Variants in CTTNBP2NL observed in about 807,000 individuals in gnomAD.
CTTNBP2NL encodes the protein CTTNBP2 N-terminal like.
In CTTNBP2NL, 16 loss-of-function variants were observed where a neutral mutation model predicts 32.5. The observed-to-expected ratio is 0.49, with a 90% CI of 0.33 to 0.75. The LOEUF (loss-of-function observed/expected upper bound fraction) is 0.75, where lower values mean the gene tolerates loss of function less well. Among genes scored for constraint, CTTNBP2NL ranks in the 30% least tolerant of loss-of-function variants. The probability of loss-of-function intolerance (pLI) is 0.02; values close to 1 mark genes in which losing one functional copy is unlikely to be tolerated. For missense variants in CTTNBP2NL, 645 were observed against 756.0 expected (o/e 0.85, Z 1.72); for synonymous variants, 298 against 289.4 (o/e 1.03, Z -0.30).
rs543391498 is a variant in CTTNBP2NL, at chr1:112,425,762, C to T, written c.99+9498C>T. Among the ~76,000 whole-genome samples the T allele has an allele frequency of 2.6e-5, 4 of 151,608 alleles. No individual in the cohort carries two copies. In the East Asian group the frequency reaches 7.8e-4, roughly 29 times the overall value. ...TCTGTAACCCCGGCTACTAGGGAGG[C>T]TGAGGTAGGAGACTTGATCGAATTA... On this transcript the variant is annotated intron_variant, in intron 3 of 5. Coordinates refer to ENST00000271277, the MANE Select transcript of CTTNBP2NL (RefSeq NM_018704.3).
upstream of CTTNBP2NL, among the ~76,000 whole-genome samples, chr1:112,393,286 T>G (rs78679524): frequency 3.7e-3 from 564 of 152,316 alleles, 4 homozygotes; most frequent in African/African-American, 0.013. Flanking sequence ...TTTTTTAACC[T>G]CTAGCCTAGA....
intron 3 of CTTNBP2NL, among the ~76,000 whole-genome samples, chr1:112,430,901 A>G (rs996415715): frequency 3.3e-5 from 5 of 152,152 alleles, no homozygotes; most frequent in African/African-American, 1.2e-4. Flanking sequence ...CTTAAAAATT[A>G]TTGTCTGGCA....
intron 4 of CTTNBP2NL, among the ~76,000 whole-genome samples, chr1:112,450,532 A>T (rs771117810): frequency 9.2e-5 from 14 of 152,088 alleles, no homozygotes; most frequent in Non-Finnish European, 2.1e-4. Context: ...TCTTCACAAC[A>T]TTCTTGTTTA....
At chr1:112,413,648 TGTTTA>T (rs1648952389) in intron 2 of CTTNBP2NL, among the ~76,000 whole-genome samples, 1 of 152,184 alleles carries the variant, frequency 6.6e-6, no homozygotes, top group Non-Finnish European at 1.5e-5. Flanking sequence ...AGAATTTTTT[TGTTTA>T]GTTTTGTTTT....
intron 3 of CTTNBP2NL, among the ~76,000 whole-genome samples, chr1:112,423,555 AT>A (rs563768957): frequency 6.2e-4 from 95 of 152,328 alleles, no homozygotes; most frequent in African/African-American, 2.2e-3. Context: ...GGAAAAAAAA[AT>A]GCATCTTTTG....
At chr1:112,440,086 C>T (rs1418739884) in intron 3 of CTTNBP2NL, among the ~76,000 whole-genome samples, 1 of 152,206 alleles carries the variant, frequency 6.6e-6, no homozygotes, top group Non-Finnish European at 1.5e-5. Context: ...TCATTACTCA[C>T]GTTGCTTATA....
chr1:112,435,233 C>T (rs1468151378), intron 3 of CTTNBP2NL, among the ~76,000 whole-genome samples: 1 of 150,438 alleles, frequency 6.6e-6, no homozygotes, highest in Admixed American at 6.6e-5. Context: ...CTGTTGTCTA[C>T]GCTAGATTAG....
chr1:112,393,775 G>A (rs1354101336), upstream of CTTNBP2NL, among the ~76,000 whole-genome samples: 1 of 152,172 alleles, frequency 6.6e-6, no homozygotes, highest in African/African-American at 2.4e-5. Context: ...TTAGGAATAC[G>A]CAGAAGGGAA....
At chr1:112,421,095 C>A (rs1649214288) in intron 3 of CTTNBP2NL, among the ~76,000 whole-genome samples, 1 of 152,020 alleles carries the variant, frequency 6.6e-6, no homozygotes, top group South Asian at 2.1e-4. Context: ...AACAGAGGTT[C>A]AAAGTCCATC....
chr1:112,453,893 A>G (rs1650293405), intron 4 of CTTNBP2NL, among the ~76,000 whole-genome samples: 1 of 152,232 alleles, frequency 6.6e-6, no homozygotes, highest in African/African-American at 2.4e-5. Context: ...GAGCCTTTTT[A>G]CATGCAGTAG....
At chr1:112,438,594 C>T (rs527644673) in intron 3 of CTTNBP2NL, among the ~76,000 whole-genome samples, 14 of 152,170 alleles carry the variant, frequency 9.2e-5, no homozygotes, top group South Asian at 4.1e-4. Flanking sequence ...CTGGCCAGGA[C>T]TTCCAATAGG....
intron 1 of CTTNBP2NL, among the ~76,000 whole-genome samples, chr1:112,399,242 C>T (rs1284840662): frequency 6.8e-6 from 1 of 148,026 alleles, no homozygotes; most frequent in South Asian, 2.1e-4. Context: ...TTGCTTGAAC[C>T]CAGGAGGCAG....
rs1650427784 is a variant in CTTNBP2NL, at chr1:112,457,905, C to T, written c.*493C>T. On this transcript the variant is annotated 3_prime_UTR_variant, in exon 6 of 6. Coordinates refer to ENST00000271277, the MANE Select transcript of CTTNBP2NL (RefSeq NM_018704.3). ...CTCTGTGAATTCTGAATGTTAAAAA[C>T]CAACACTGCTTTTAATCCTCTTTTA... 2 of 154,820 alleles carry T rather than the reference C, an allele frequency of 1.3e-5. No homozygotes were observed. The highest frequency in any genetic ancestry group is 2.9e-5 in the Non-Finnish European group (2 of 69,472). The allele number at this position is 154,820 out of a possible 1,614,324, so 9.6% of individuals were successfully genotyped here.
rs1650534268 is a variant in CTTNBP2NL at position 112,460,907 on chromosome 1, G to GTA, written c.*3496_*3497insAT. 6.6e-6 allele frequency: 1 copy of GTA among 151,212 alleles called. No individual in the cohort carries two copies. The highest frequency in any genetic ancestry group is 1.9e-4 in the East Asian group (1 of 5,186). The allele number at this position is 151,212 out of a possible 1,614,324, so 9.4% of individuals were successfully genotyped here. On this transcript the variant is annotated 3_prime_UTR_variant, in exon 6 of 6. Transcript: ENST00000271277. ...TCAATTTGTGTGTGTGTGTGTGTAT[G>GTA]TGTGTGTGTGTGTGAATTCATAAGG...
chr1:112,416,410 AT>A, intron 3 of CTTNBP2NL, 146 bp downstream of exon 3: 1 of 556,702 alleles, frequency 1.8e-6, no homozygotes, highest in Non-Finnish European at 3.1e-6. Flanking sequence ...AGCCACCTAC[AT>A]TGTGTGTTAT....
Position 112,459,621 on chromosome 1 carries a change from T to C in CTTNBP2NL, c.*2209T>C, listed in dbSNP as rs1174853534. The C allele has an allele frequency of 2.0e-5, 3 of 152,098 alleles. No individual in the cohort carries two copies. The highest frequency in any genetic ancestry group is 7.2e-5 in the African/African-American group (3 of 41,424). The allele number at this position is 152,098 out of a possible 1,614,324, so 9.4% of individuals were successfully genotyped here. On this transcript the variant is annotated 3_prime_UTR_variant, in exon 6 of 6. Transcript: ENST00000271277. Reference sequence around the variant, plus strand: ...GTGTCTATCAAAATGATGTAGGGGGTATCTTAAACTGTCCAAGGCAATCAT... The same window carrying C: ...GTGTCTATCAAAATGATGTAGGGGGCATCTTAAACTGTCCAAGGCAATCAT...
intron 3 of CTTNBP2NL, 86 bp from the exon 4 acceptor site, chr1:112,448,856 C>CT (rs1446594971): frequency 2.7e-6 from 2 of 747,878 alleles, no homozygotes; most frequent in African/African-American, 3.5e-5. Context: ...ATACCACAAC[C>CT]TTTAATGTAT....
chr1:112,435,022 A>C (rs1649688162), intron 3 of CTTNBP2NL, among the ~76,000 whole-genome samples: 1 of 151,972 alleles, frequency 6.6e-6, no homozygotes, highest in Non-Finnish European at 1.5e-5. Context: ...ACGCACCTGT[A>C]ATCCCAGCTA....
chr1:112,445,330 A>G (rs1650007173), intron 3 of CTTNBP2NL, among the ~76,000 whole-genome samples: 1 of 152,178 alleles, frequency 6.6e-6, no homozygotes, highest in African/African-American at 2.4e-5. Context: ...GGAATAGATC[A>G]TCATTACACA....
Sources: gnomAD v4.1 joint callset for allele counts (sites outside exome capture counted in the v4.1 genomes callset) on GRCh38, gnomAD v4.1.1 for gene constraint, MANE v1.5 for transcripts, NCBI Gene and HGNC (gene_info 2026-07-23, HGNC 2026-07-21) for gene names.